EXD3: variants seen among roughly 807,000 people sequenced by gnomAD.
The protein encoded by EXD3 is exonuclease mut-7 homolog.
In EXD3, 92 loss-of-function variants were observed where a neutral mutation model predicts 98.0. The ratio of observed to expected loss-of-function variants is 0.94; its 90% CI spans 0.79 to 1.12. EXD3 has a LOEUF of 1.12. EXD3 is among the 50% of genes most tolerant of loss of function. The probability of loss-of-function intolerance (pLI) is 0.00; values close to 1 mark genes in which losing one functional copy is unlikely to be tolerated. For missense variants in EXD3, 1,222 were observed against 1,191.6 expected (o/e 1.03, Z -0.38); for synonymous variants, 569 against 526.0 (o/e 1.08, Z -1.12).
rs558895324 is a variant in EXD3, at chr9:137,388,342, G to A, written c.56-4965C>T. ...GGACGGCTCCCCAGCTGACACCCCC[G>A]CGCCGGCCGACGGGAGGACGGATGG... is the stretch of plus-strand genomic sequence containing the variant. On this transcript the variant is annotated intron_variant, in intron 2 of 21. Coordinates refer to ENST00000340951, the MANE Select transcript of EXD3 (RefSeq NM_017820.5). Among the ~76,000 whole-genome samples, 17 of 152,218 alleles carry A rather than the reference G, an allele frequency of 1.1e-4. No homozygotes were observed. The South Asian group carries it at 2.3e-3, about 20-fold the overall frequency.
chr9:137,320,157 C>T (rs995656164), intron 19 of EXD3, among the ~76,000 whole-genome samples: 10 of 151,900 alleles, frequency 6.6e-5, no homozygotes, highest in Non-Finnish European at 1.0e-4. Context: ...CACACAGAGA[C>T]GCATATGTCT....
chr9:137,420,739 C>CCCG lies in EXD3; in HGVS notation c.-48+2374_-48+2375insCGG, dbSNP rs1554743341. ...TGGGACCTGGAGGACAGACATTCAC[C>CCCG]CCCCCCCCCAAATTCATACAGGTAT... On this transcript the variant is annotated intron_variant, in intron 1 of 21. Transcript: ENST00000340951. Among the ~76,000 whole-genome samples the CCCG allele has an allele frequency of 1.2e-4, 16 of 134,890 alleles. 1 individual carries two copies. Among genetic ancestry groups the CCCG allele is most frequent in the Admixed American group, 2.2e-4 (3 of 13,930 alleles). 88.5% of individuals were successfully genotyped at this position (134,890 alleles called of 152,430 possible).
chr9:137,339,478 C>T (rs1477520455), intron 17 of EXD3, among the ~76,000 whole-genome samples: 1 of 121,956 alleles, frequency 8.2e-6, no homozygotes, highest in Non-Finnish European at 1.6e-5. Context: ...GCCTGGGTAA[C>T]ACAGCAAGAC....
At chr9:137,353,422 C>T (rs972737448) in intron 10 of EXD3, 1 of 985,234 alleles carries the variant, frequency 1.0e-6, no homozygotes, top group African/African-American at 1.7e-5. Context: ...CCAGGGGAGC[C>T]CCTCTGCCCC....
chr9:137,328,642 C>T (rs868534709), intron 17 of EXD3, among the ~76,000 whole-genome samples: 17,309 of 55,228 alleles, frequency 0.31, 2,901 homozygotes, highest in East Asian at 0.58. Context: ...CTACACGGGG[C>T]TACACGGGAC....
At chr9:137,391,457 T>C (rs2131748699) in intron 2 of EXD3, among the ~76,000 whole-genome samples, 2 of 152,290 alleles carry the variant, frequency 1.3e-5, no homozygotes, top group South Asian at 4.1e-4. Flanking sequence ...GAGGCTCCCA[T>C]TGTCCGGAGC....
intron 20 of EXD3, 144 bp from the exon 21 acceptor site, chr9:137,307,790 C>A: frequency 2.2e-6 from 2 of 903,934 alleles, no homozygotes; most frequent in Non-Finnish European, 3.3e-6. Context: ...CCTTCGCAGA[C>A]GGGCAGAGGG....
chr9:137,351,597 G>T, intron 12 of EXD3, 69 bp from the exon 13 acceptor site: 3 of 1,439,676 alleles, frequency 2.1e-6, no homozygotes, highest in Non-Finnish European at 2.9e-6. Flanking sequence ...CAGCCTGGAG[G>T]TCCTGAGCAG....
chr9:137,422,741 G>GGC (rs1265872587), intron 1 of EXD3, among the ~76,000 whole-genome samples: 5 of 152,204 alleles, frequency 3.3e-5, no homozygotes, highest in East Asian at 1.9e-4. Context: ...GGGCAGGGCG[G>GGC]GCGCGCGCGC....
intron 3 of EXD3, among the ~76,000 whole-genome samples, chr9:137,382,661 C>T (rs1019816760): frequency 7.9e-5 from 12 of 152,138 alleles, no homozygotes; most frequent in Non-Finnish European, 1.0e-4. Context: ...GGGCATCCCC[C>T]GGGCCTGCAG....
In EXD3 at chr9:137,421,695, G is replaced by A. The variant is rs542292237; in HGVS notation, c.-48+1419C>T. ...CTACCAAAAAAATTTAAAATTAGCC[G>A]GTCCTGGTGGCAAACACCTGTATTC... On this transcript the variant is annotated intron_variant, in intron 1 of 21. Transcript: ENST00000340951. Among the ~76,000 whole-genome samples the A allele has an allele frequency of 3.9e-5, 6 of 152,184 alleles. No individual in the cohort carries two copies. In the South Asian group the frequency reaches 6.2e-4, roughly 16 times the overall value.
At chr9:137,357,469 A>G (rs1834850006) in intron 7 of EXD3, among the ~76,000 whole-genome samples, 2 of 152,016 alleles carry the variant, frequency 1.3e-5, no homozygotes, top group Admixed American at 1.3e-4. Flanking sequence ...TTTTTGGAAG[A>G]CAACTTCAAA....
intron 19 of EXD3, among the ~76,000 whole-genome samples, chr9:137,316,531 C>T (rs537278678): frequency 6.6e-6 from 1 of 152,320 alleles, no homozygotes; most frequent in South Asian, 2.1e-4. Flanking sequence ...CCCAAGCGGC[C>T]CTGGGCCGAC....
rs114776012 is a variant in EXD3, at chr9:137,404,016, C to T, written c.-47-8612G>A. Reference sequence around the variant, plus strand: ...GTGTGTCCTCACTGTCCCGAGGCTGCAGCTCTGAGACTGGGTGGGGAGGGT... The same window carrying T: ...GTGTGTCCTCACTGTCCCGAGGCTGTAGCTCTGAGACTGGGTGGGGAGGGT... On this transcript the variant is annotated intron_variant, in intron 1 of 21. Transcript: ENST00000340951. Among the ~76,000 whole-genome samples, 354 of 151,606 alleles carry T rather than the reference C, an allele frequency of 2.3e-3. 1 individual carries two copies. The highest frequency in any genetic ancestry group is 8.0e-3 in the African/African-American group (330 of 41,362).
Position 137,407,935 on chromosome 9 carries a change from G to A in EXD3, c.-47-12531C>T, listed in dbSNP as rs775787774. Among the ~76,000 whole-genome samples, 30 of 152,182 alleles carry A rather than the reference G, an allele frequency of 2.0e-4. No individual in the cohort carries two copies. The highest frequency in any genetic ancestry group is 4.3e-4 in the Non-Finnish European group (29 of 68,028). On this transcript the variant is annotated intron_variant, in intron 1 of 21. Transcript: ENST00000340951. The surrounding 1 kb of genome is among the most constrained non-coding windows in gnomAD (Gnocchi z 4.4). ...CCAGGCCCCGCAGCACACAAATGCG[G>A]AGCCTCAAGCCTCCAGGGGTTTTCC...
At chr9:137,391,116 G>A (rs959684678) in intron 2 of EXD3, among the ~76,000 whole-genome samples, 2 of 152,052 alleles carry the variant, frequency 1.3e-5, no homozygotes, top group Admixed American at 6.5e-5. Context: ...GCAGGGCCTC[G>A]GCCGCCGCCC....
At chr9:137,373,331 G>A (rs375670901) in intron 4 of EXD3, 95 bp downstream of exon 4, 70 of 1,418,120 alleles carry the variant, frequency 4.9e-5, no homozygotes, top group Middle Eastern at 2.5e-4. Context: ...CTTGCTGAGC[G>A]GGCTGCAAAG....
In EXD3 at chr9:137,414,841, G is replaced by A. The variant is rs140232488; in HGVS notation, c.-48+8273C>T. 2.9e-3 allele frequency among the ~76,000 whole-genome samples: 448 copies of A among 152,252 alleles called. 3 individuals are homozygous for A. Among genetic ancestry groups the A allele is most frequent in the Admixed American group, 0.019 (294 of 15,288 alleles). ...GGCCCCCGTGGGCTCCACGTAGGTCGCAGGGTTTCTTTGTATGTTTGTTTT... is the reference window on the plus strand; with the variant it reads ...GGCCCCCGTGGGCTCCACGTAGGTCACAGGGTTTCTTTGTATGTTTGTTTT... On this transcript the variant is annotated intron_variant, in intron 1 of 21. Coordinates refer to ENST00000340951, the MANE Select transcript of EXD3 (RefSeq NM_017820.5).
chr9:137,376,343 C>CAAAAAA (rs765888922), intron 3 of EXD3, among the ~76,000 whole-genome samples: 35 of 39,924 alleles, frequency 8.8e-4, no homozygotes, highest in East Asian at 1.7e-3. Flanking sequence ...GACTCTGTCT[C>CAAAAAA]AAAAAAAAAA....
Sources: gnomAD v4.1 joint callset for allele counts (sites outside exome capture counted in the v4.1 genomes callset) on GRCh38, gnomAD v4.1.1 for gene constraint, Gnocchi (gnomAD v3.1) non-coding constraint, MANE v1.5 for transcripts, NCBI Gene and HGNC (gene_info 2026-07-23, HGNC 2026-07-21) for gene names.